Variants in ARFIP1 observed in about 807,000 individuals in gnomAD.
ARFIP1 encodes arfaptin-1.
ARFIP1 carries 24 observed loss-of-function variants against 42.5 expected under a neutral mutation model. That is an observed-to-expected ratio of 0.57 (90% CI 0.41 to 0.80). The LOEUF is 0.80. ARFIP1 is among the 30% of genes least tolerant of loss of function. The pLI, the probability that ARFIP1 is intolerant of heterozygous loss-of-function variation, is 0.00. For synonymous variants in ARFIP1, 141 were observed against 153.7 expected (o/e 0.92, Z 0.61); for missense variants, 354 against 434.0 (o/e 0.82, Z 1.64).
chr4:152,807,782 TTTTTC>T (rs1040300151), intron 1 of ARFIP1, among the ~76,000 whole-genome samples: 5 of 152,128 alleles, frequency 3.3e-5, no homozygotes, highest in African/African-American at 1.2e-4. Context: ...ATTATCAGTA[TTTTTC>T]TTTTCTTGTT....
intron 1 of ARFIP1, among the ~76,000 whole-genome samples, chr4:152,804,164 A>G (rs1169432933): frequency 1.0e-4 from 12 of 116,280 alleles, no homozygotes; most frequent in African/African-American, 4.1e-4. Context: ...TATTATATAT[A>G]ATATAACATG....
chr4:152,829,392 G>A (rs1050665320), intron 1 of ARFIP1, among the ~76,000 whole-genome samples: 5 of 152,162 alleles, frequency 3.3e-5, no homozygotes, highest in African/African-American at 1.2e-4. Flanking sequence ...TAGTGCCTCT[G>A]GTACCTACAA....
intron 1 of ARFIP1, among the ~76,000 whole-genome samples, chr4:152,813,427 C>G (rs942811508): frequency 6.6e-6 from 1 of 152,090 alleles, no homozygotes; most frequent in African/African-American, 2.4e-5. Context: ...TGCTTCTCTA[C>G]TCTGCGTTTT....
At chr4:152,878,164 T>C (rs894375819) in intron 5 of ARFIP1, among the ~76,000 whole-genome samples, 5 of 152,248 alleles carry the variant, frequency 3.3e-5, no homozygotes, top group Admixed American at 1.3e-4. Flanking sequence ...CTTTTGCCTC[T>C]TGAATTTAGC....
chr4:152,882,356 G>T (rs1735914047), intron 6 of ARFIP1, among the ~76,000 whole-genome samples: 1 of 152,022 alleles, frequency 6.6e-6, no homozygotes, highest in African/African-American at 2.4e-5. Flanking sequence ...ACCTAATTTG[G>T]CTGTGAAAGT....
intron 8 of ARFIP1, among the ~76,000 whole-genome samples, chr4:152,891,739 C>T (rs1453775114): frequency 6.6e-6 from 1 of 152,080 alleles, no homozygotes; most frequent in East Asian, 1.9e-4. Context: ...GAAGGAGTCT[C>T]GCTATGTTGC....
At chr4:152,800,457 A>G (rs77228437) in intron 1 of ARFIP1, among the ~76,000 whole-genome samples, 2,511 of 152,288 alleles carry the variant, frequency 0.016, 71 homozygotes, top group African/African-American at 0.056. Flanking sequence ...TTGAGCCTCA[A>G]TGAAAGAAAA....
chr4:152,908,624 G>T (rs193217809), intron 8 of ARFIP1, among the ~76,000 whole-genome samples: 107 of 152,036 alleles, frequency 7.0e-4, no homozygotes, highest in African/African-American at 2.5e-3. Context: ...AAAAAGAAAA[G>T]AAATTCTAAA....
At chr4:152,821,000 A>T (rs996182850) in intron 1 of ARFIP1, among the ~76,000 whole-genome samples, 2 of 152,248 alleles carry the variant, frequency 1.3e-5, no homozygotes, top group African/African-American at 4.8e-5. Context: ...TACAATAAAA[A>T]ATAAATTCAA....
At chr4:152,899,484 C>G (rs1258411645) in intron 8 of ARFIP1, among the ~76,000 whole-genome samples, 1 of 152,204 alleles carries the variant, frequency 6.6e-6, no homozygotes, top group Non-Finnish European at 1.5e-5. Context: ...CTTTATATCT[C>G]TCATCTAATT....
intron 1 of ARFIP1, among the ~76,000 whole-genome samples, chr4:152,816,023 C>T (rs1457044711): frequency 1.3e-5 from 2 of 152,136 alleles, no homozygotes; most frequent in Non-Finnish European, 2.9e-5. Context: ...GGATTACAGG[C>T]GTGAGCCACC....
At chr4:152,787,469 T>C (rs1477813556) in intron 1 of ARFIP1, among the ~76,000 whole-genome samples, 1 of 152,220 alleles carries the variant, frequency 6.6e-6, no homozygotes, top group Non-Finnish European at 1.5e-5. Context: ...ATATATCTTT[T>C]CCTCACACAG....
At chr4:152,844,861 TA>T (rs1208748342) in intron 2 of ARFIP1, among the ~76,000 whole-genome samples, 1 of 152,104 alleles carries the variant, frequency 6.6e-6, no homozygotes, top group Admixed American at 6.6e-5. Context: ...TAGAAAAAAC[TA>T]TCCTAAAATT....
chr4:152,826,902 CATT>C (rs1333580419), intron 1 of ARFIP1, among the ~76,000 whole-genome samples: 1 of 152,100 alleles, frequency 6.6e-6, no homozygotes, highest in African/African-American at 2.4e-5. Flanking sequence ...ACCTTGAAGA[CATT>C]ATGTTAAGTG....
Position 152,881,115 on chromosome 4 carries a change from G to T in ARFIP1, c.564G>T (p.Gln188His). The change falls in exon 6 of 9, where the codon CAG becomes CAT. Residue 188 changes from glutamine (Q) to histidine (H), a missense_variant. By Grantham distance (24) the Gln-to-His change is conservative. Coordinates refer to ENST00000353617, the MANE Select transcript of ARFIP1 (RefSeq NM_001025595.3). ...LAQTLSTQLF[Q>H]MVHTQRQLGD... ...AAACATTGTCGACCCAGCTTTTCCAGATGGTACATACCCAAAGGCAACTTG... is the reference window on the plus strand; with the variant it reads ...AAACATTGTCGACCCAGCTTTTCCATATGGTACATACCCAAAGGCAACTTG... 6.2e-7 allele frequency: 1 copy of T among 1,613,942 alleles called. No individual in the cohort carries two copies. The highest frequency in any genetic ancestry group is 8.5e-7 in the Non-Finnish European group (1 of 1,179,912).
chr4:152,814,561 A>C (rs1729723632), intron 1 of ARFIP1, among the ~76,000 whole-genome samples: 1 of 152,266 alleles, frequency 6.6e-6, no homozygotes, highest in Admixed American at 6.5e-5. Flanking sequence ...AAATTAAAAA[A>C]CAAAAAATTA....
intron 2 of ARFIP1, among the ~76,000 whole-genome samples, chr4:152,830,861 T>C (rs1201483611): frequency 6.6e-6 from 1 of 152,156 alleles, no homozygotes; most frequent in Non-Finnish European, 1.5e-5. Flanking sequence ...TATAAATAGA[T>C]CGGTTTAAAT....
chr4:152,850,696 A>C (rs372984390), intron 2 of ARFIP1: 4 of 152,226 alleles, frequency 2.6e-5, no homozygotes, highest in African/African-American at 7.2e-5. Context: ...CATTTTTAAC[A>C]GGATCCTCAG....
chr4:152,793,067 G>T (rs1731227475), intron 1 of ARFIP1, among the ~76,000 whole-genome samples: 1 of 151,954 alleles, frequency 6.6e-6, no homozygotes, highest in Non-Finnish European at 1.5e-5. Flanking sequence ...TTATCACTCT[G>T]TTTTAAAGAC....
Sources: allele counts gnomAD v4.1 joint callset (sites outside exome capture counted in the v4.1 genomes callset), GRCh38; gene constraint gnomAD v4.1.1; transcripts MANE v1.5; gene names NCBI Gene and HGNC (gene_info 2026-07-23, HGNC 2026-07-21).